CBFA2T2: variants seen among roughly 807,000 people sequenced by gnomAD.
CBFA2T2 encodes the protein CBFA2/RUNX1 partner transcriptional co-repressor 2, also known as protein CBFA2T2.
A neutral mutation model predicts 62.2 loss-of-function variants in CBFA2T2; 11 were observed. The observed-to-expected ratio is 0.18, with a 90% CI of 0.11 to 0.29. The LOEUF is 0.29. Ranked by LOEUF, CBFA2T2 falls within the 10% of genes least tolerant of loss-of-function variation. The pLI, the probability that CBFA2T2 is intolerant of heterozygous loss-of-function variation, is 1.00. For missense variants in CBFA2T2, 592 were observed against 774.1 expected (o/e 0.76, Z 2.79); for synonymous variants, 295 against 287.5 (o/e 1.03, Z -0.27).
At chr20:33,549,107 A>C (rs183222714) in intron 1 of CBFA2T2, among the ~76,000 whole-genome samples, 1 of 152,350 alleles carries the variant, frequency 6.6e-6, no homozygotes, top group East Asian at 1.9e-4. Context: ...GGACGAGGAA[A>C]ATCTAAACAT....
At chr20:33,492,477 A>G (rs545370280) in intron 1 of CBFA2T2, among the ~76,000 whole-genome samples, 2 of 150,466 alleles carry the variant, frequency 1.3e-5, no homozygotes, top group South Asian at 4.2e-4. Flanking sequence ...TATGCCCAAA[A>G]GCACAACTTT....
chr20:33,597,845 A>T (rs894363372), intron 1 of CBFA2T2, among the ~76,000 whole-genome samples: 2 of 152,202 alleles, frequency 1.3e-5, no homozygotes, highest in African/African-American at 4.8e-5. Flanking sequence ...ATATCGGGGA[A>T]TCTGCCCCAA....
At chr20:33,589,910 CATT>C (rs1404134753) in intron 1 of CBFA2T2, among the ~76,000 whole-genome samples, 2 of 151,922 alleles carry the variant, frequency 1.3e-5, no homozygotes, top group Non-Finnish European at 2.9e-5. Flanking sequence ...AATATATAAT[CATT>C]ATAAAATTAT....
intron 1 of CBFA2T2, among the ~76,000 whole-genome samples, chr20:33,515,210 G>T (rs1024584269): frequency 2.6e-5 from 4 of 151,722 alleles, no homozygotes; most frequent in African/African-American, 7.3e-5. Context: ...AATTCACTGG[G>T]TGTGGTGGCA....
At chr20:33,634,649 A>G (rs887576163) in intron 8 of CBFA2T2, among the ~76,000 whole-genome samples, 6 of 148,572 alleles carry the variant, frequency 4.0e-5, no homozygotes, top group Non-Finnish European at 8.9e-5. Flanking sequence ...CCACCTGGGC[A>G]ACAGAGCAAG....
chr20:33,502,479 T>A (rs1480631636), intron 1 of CBFA2T2, among the ~76,000 whole-genome samples: 34 of 151,750 alleles, frequency 2.2e-4, no homozygotes, highest in Admixed American at 2.2e-3. Context: ...CGATCTCGGC[T>A]CACTGCAAGC....
chr20:33,539,954 A>AG (rs1304066336), intron 1 of CBFA2T2, among the ~76,000 whole-genome samples: 1 of 152,020 alleles, frequency 6.6e-6, no homozygotes. Context: ...TATTGGTGTG[A>AG]GCCACCATGT....
intron 1 of CBFA2T2, among the ~76,000 whole-genome samples, chr20:33,525,855 T>C (rs1434443026): frequency 6.6e-6 from 1 of 152,186 alleles, no homozygotes; most frequent in Non-Finnish European, 1.5e-5. Context: ...AGTCTCACTT[T>C]GTTGCCCAGG....
At chr20:33,623,559 ATGTT>A (rs72452489) in intron 5 of CBFA2T2, among the ~76,000 whole-genome samples, 35,871 of 148,734 alleles carry the variant, frequency 0.24, 4,632 homozygotes, top group East Asian at 0.4. Flanking sequence ...TGACCAGCTA[ATGTT>A]TGTTTGTTTG....
intron 1 of CBFA2T2, among the ~76,000 whole-genome samples, chr20:33,523,315 T>C (rs2011785481): frequency 6.6e-6 from 1 of 152,294 alleles, no homozygotes; most frequent in South Asian, 2.1e-4. Context: ...AGTCTTGCTG[T>C]GTTGCCCAGG....
At chr20:33,593,762 G>T (rs1359952106) in intron 1 of CBFA2T2, among the ~76,000 whole-genome samples, 1 of 144,222 alleles carries the variant, frequency 6.9e-6, no homozygotes, top group East Asian at 2.1e-4. Flanking sequence ...TGTAATCTCT[G>T]TAAAAAGCTA....
Position 33,536,450 on chromosome 20 carries a change from G to GAC in CBFA2T2, c.34+46150_34+46151dup, listed in dbSNP as rs533172448. Among the ~76,000 whole-genome samples, 512 of 149,506 alleles carry GAC rather than the reference G, an allele frequency of 3.4e-3. 4 individuals are homozygous for GAC. The highest frequency in any genetic ancestry group is 0.012 in the African/African-American group (492 of 39,552). On this transcript the variant is annotated intron_variant, in intron 1 of 10. Coordinates refer to ENST00000342704, the MANE Select transcript of CBFA2T2 (RefSeq NM_001032999.3). ...GGCTGACCCCCCCACCTCCCTCCCG[G>GAC]ACGGGGCGGCTGGCCTGGCGGGGGC... is the stretch of plus-strand genomic sequence containing the variant.
At chr20:33,585,530 G>A (rs1204118254) in intron 1 of CBFA2T2, among the ~76,000 whole-genome samples, 2 of 152,160 alleles carry the variant, frequency 1.3e-5, no homozygotes, top group South Asian at 2.1e-4. Context: ...CTGTTCCACC[G>A]TTTAATTAAC....
At chr20:33,609,110 T>C (rs2015435210) in intron 2 of CBFA2T2, among the ~76,000 whole-genome samples, 1 of 152,242 alleles carries the variant, frequency 6.6e-6, no homozygotes, top group Non-Finnish European at 1.5e-5. Flanking sequence ...ATACACTGTA[T>C]ACACAACTTA....
chr20:33,517,947 A>T (rs947681866), intron 1 of CBFA2T2, among the ~76,000 whole-genome samples: 3 of 150,560 alleles, frequency 2.0e-5, no homozygotes, highest in Non-Finnish European at 4.4e-5. Flanking sequence ...CCCAGCTTAC[A>T]TTTTGCTTTT....
chr20:33,593,880 C>T (rs2014774164), intron 1 of CBFA2T2, among the ~76,000 whole-genome samples: 1 of 152,104 alleles, frequency 6.6e-6, no homozygotes, highest in African/African-American at 2.4e-5. Context: ...AAAGGGTCTC[C>T]AGGGCCCCCA....
At chr20:33,616,179 A>G (rs1156844855) in intron 3 of CBFA2T2, among the ~76,000 whole-genome samples, 1 of 152,112 alleles carries the variant, frequency 6.6e-6, no homozygotes, top group Non-Finnish European at 1.5e-5. Flanking sequence ...AGATACATAC[A>G]TACATATACA....
chr20:33,528,673 C>T (rs1017539266), intron 1 of CBFA2T2, among the ~76,000 whole-genome samples: 2 of 141,782 alleles, frequency 1.4e-5, no homozygotes, highest in Non-Finnish European at 3.0e-5. Flanking sequence ...CTATGTTAAC[C>T]TGCCTTAAAT....
chr20:33,499,261 C>T (rs1485580821), intron 1 of CBFA2T2, among the ~76,000 whole-genome samples: 2 of 152,126 alleles, frequency 1.3e-5, no homozygotes, highest in Non-Finnish European at 2.9e-5. Context: ...TAAGATTTCT[C>T]ACCTGCCAAT....
Sources: gnomAD v4.1 joint callset for allele counts (sites outside exome capture counted in the v4.1 genomes callset) on GRCh38, gnomAD v4.1.1 for gene constraint, MANE v1.5 for transcripts, NCBI Gene and HGNC (gene_info 2026-07-23, HGNC 2026-07-21) for gene names.